EYA2: variants seen among roughly 807,000 people sequenced by gnomAD.
The protein encoded by EYA2 is EYA transcriptional coactivator and phosphatase 2, also known as protein phosphatase EYA2.
Under a neutral mutation model 69.2 loss-of-function variants are expected in EYA2, and 31 were observed. The ratio of observed to expected loss-of-function variants is 0.45; its 90% confidence interval spans 0.34 to 0.60. The LOEUF is 0.60. Among genes scored for constraint, EYA2 ranks in the 20% least tolerant of loss-of-function variants. The pLI, the probability that EYA2 is intolerant of heterozygous loss-of-function variation, is 0.02. For synonymous variants in EYA2, 257 were observed against 279.4 expected (o/e 0.92, Z 0.80); for missense variants, 622 against 701.2 (o/e 0.89, Z 1.28).
intron 1 of EYA2, among the ~76,000 whole-genome samples, chr20:46,950,972 C>T (rs536896039): frequency 1.5e-4 from 23 of 152,330 alleles, no homozygotes; most frequent in East Asian, 7.7e-4. Context: ...GCTTATAACA[C>T]GTGCCGCTGA....
intron 6 of EYA2, 61 bp downstream of exon 6, chr20:47,072,313 C>G (rs980290872): frequency 2.0e-6 from 3 of 1,494,624 alleles, no homozygotes; most frequent in Non-Finnish European, 2.8e-6. Flanking sequence ...CCCCTTACAT[C>G]AGGGCACCCA....
intron 15 of EYA2, among the ~76,000 whole-genome samples, chr20:47,187,322 T>C (rs2146684387): frequency 6.6e-6 from 1 of 150,628 alleles, no homozygotes; most frequent in Admixed American, 6.6e-5. Flanking sequence ...TGAGCAGAGA[T>C]CATGTCACTG....
chr20:46,958,893 A>G (rs1450006786), intron 1 of EYA2, among the ~76,000 whole-genome samples: 2 of 152,358 alleles, frequency 1.3e-5, no homozygotes, highest in South Asian at 2.1e-4. Context: ...TTATGGTTGC[A>G]TAGTATTCCA....
intron 9 of EYA2, among the ~76,000 whole-genome samples, chr20:47,140,538 T>C (rs2033572268): frequency 6.6e-6 from 1 of 152,188 alleles, no homozygotes; most frequent in Admixed American, 6.6e-5. Context: ...GGAAAAGGAC[T>C]GTATGGAGCA....
At chr20:47,143,293 A>C in intron 10 of EYA2, 145 bp downstream of exon 10, 3 of 730,460 alleles carry the variant, frequency 4.1e-6, no homozygotes, top group Non-Finnish European at 6.3e-6. Flanking sequence ...TTTGCTAACA[A>C]CCCCCAAAAA....
chr20:46,979,683 C>G (rs560939051), intron 1 of EYA2: 2 of 152,064 alleles, frequency 1.3e-5, no homozygotes, highest in Non-Finnish European at 2.9e-5. Context: ...CCTTCCCCAC[C>G]AAAGTGCAGC....
rs113764868 is a variant in EYA2 at position 46,934,272 on chromosome 20, A to G, written c.-11+39285A>G. ...ATCCAGGCACTCAAACAACATCAAC[A>G]TAGTCTCTCTCTCTCACCCCGTCCC... On this transcript the variant is annotated intron_variant, in intron 1 of 15. Transcript: ENST00000327619. Among the ~76,000 whole-genome samples, 925 of 152,220 alleles carry G rather than the reference A, an allele frequency of 6.1e-3. 15 individuals are homozygous for G. The highest frequency in any genetic ancestry group is 0.021 in the African/African-American group (863 of 41,528).
At chr20:47,078,310 T>C (rs1472087398) in intron 7 of EYA2, among the ~76,000 whole-genome samples, 1 of 133,362 alleles carries the variant, frequency 7.5e-6, no homozygotes, top group Non-Finnish European at 1.6e-5. Context: ...TGTGTGCACA[T>C]GTGCACGTGC....
At chr20:47,086,612 G>C (rs1442274162) in intron 7 of EYA2, among the ~76,000 whole-genome samples, 1 of 152,200 alleles carries the variant, frequency 6.6e-6, no homozygotes, top group East Asian at 1.9e-4. Context: ...ACCCGGGGAG[G>C]GGAGATGGTG....
chr20:46,900,916 A>G lies in EYA2; in HGVS notation c.-11+5929A>G, dbSNP rs191171678. ...TTACGAGAAGAGAAGCCAAACCAAC[A>G]TGTATTAGGTCATGCGCTTGAAGTG... On this transcript the variant is annotated intron_variant, in intron 1 of 15. Coordinates refer to ENST00000327619, the MANE Select transcript of EYA2 (RefSeq NM_005244.5). Among the ~76,000 whole-genome samples, 225 of 152,328 alleles carry G rather than the reference A, an allele frequency of 1.5e-3. 3 individuals carry two copies. The highest frequency in any genetic ancestry group is 5.1e-3 in the African/African-American group (210 of 41,578).
At chr20:46,981,856 TG>T (rs1980854123) in intron 1 of EYA2, among the ~76,000 whole-genome samples, 1 of 152,162 alleles carries the variant, frequency 6.6e-6, no homozygotes, top group African/African-American at 2.4e-5. Context: ...GTCAGTCTGG[TG>T]ATCTTTGTCT....
chr20:47,074,954 A>G (rs2031458579), intron 7 of EYA2, among the ~76,000 whole-genome samples: 1 of 152,332 alleles, frequency 6.6e-6, no homozygotes, highest in East Asian at 1.9e-4. Context: ...TCTACTAAAA[A>G]TACAGAAATT....
At chr20:47,022,465 C>T (rs1983811651) in intron 5 of EYA2, among the ~76,000 whole-genome samples, 1 of 151,982 alleles carries the variant, frequency 6.6e-6, no homozygotes, top group Non-Finnish European at 1.5e-5. Context: ...AGGCGCCTGC[C>T]ACCACACCTG....
At chr20:46,968,509 C>T (rs1979929724) in intron 1 of EYA2, among the ~76,000 whole-genome samples, 1 of 152,194 alleles carries the variant, frequency 6.6e-6, no homozygotes, top group African/African-American at 2.4e-5. Context: ...ATACTGCCCC[C>T]TCCGTGTTTA....
At chr20:46,965,399 G>A (rs1335943480) in intron 1 of EYA2, among the ~76,000 whole-genome samples, 1 of 152,184 alleles carries the variant, frequency 6.6e-6, no homozygotes, top group Non-Finnish European at 1.5e-5. Context: ...CCAAGTTAGA[G>A]CTTCCAGCCC....
At chr20:47,012,607 C>T (rs1983137982) in intron 4 of EYA2, among the ~76,000 whole-genome samples, 1 of 152,192 alleles carries the variant, frequency 6.6e-6, no homozygotes, top group South Asian at 2.1e-4. Context: ...AATTCTCATG[C>T]CTCAGCTTCC....
At chr20:47,060,990 G>A (rs1371324690) in intron 5 of EYA2, among the ~76,000 whole-genome samples, 9 of 151,856 alleles carry the variant, frequency 5.9e-5, no homozygotes, top group African/African-American at 1.7e-4. Context: ...TGAGTAGCTG[G>A]GATTACAGCG....
chr20:46,912,697 T>TC (rs920925045), intron 1 of EYA2, among the ~76,000 whole-genome samples: 1 of 142,172 alleles, frequency 7.0e-6, no homozygotes, highest in Non-Finnish European at 1.6e-5. Context: ...ATTTTTTTTT[T>TC]TTTTCTTTTT....
At chr20:47,042,243 A>G (rs942182970) in intron 5 of EYA2, among the ~76,000 whole-genome samples, 9 of 152,328 alleles carry the variant, frequency 5.9e-5, no homozygotes, top group Admixed American at 5.2e-4. Flanking sequence ...GGTCAGTGAT[A>G]GGTGCAATGT....
Sources: gnomAD v4.1 joint callset for allele counts (sites outside exome capture counted in the v4.1 genomes callset) on GRCh38, gnomAD v4.1.1 for gene constraint, MANE v1.5 for transcripts, NCBI Gene and HGNC (gene_info 2026-07-23, HGNC 2026-07-21) for gene names.